Variants in RSRC1 observed in about 807,000 individuals in gnomAD.
RSRC1 encodes arginine and serine rich coiled-coil 1.
A neutral mutation model predicts 49.1 loss-of-function variants in RSRC1; 39 were observed. The ratio of observed to expected loss-of-function variants is 0.79; its 90% CI spans 0.61 to 1.04. The LOEUF (loss-of-function observed/expected upper bound fraction) is 1.04, where lower values mean the gene tolerates loss of function less well. Among genes scored for constraint, RSRC1 ranks in the 50% least tolerant of loss-of-function variants. The pLI is 0.00. For missense variants in RSRC1, 388 were observed against 402.4 expected (o/e 0.96, Z 0.31); for synonymous variants, 143 against 130.8 (o/e 1.09, Z -0.63).
At chr3:158,186,399 T>G (rs948618638) in intron 3 of RSRC1, among the ~76,000 whole-genome samples, 1 of 151,986 alleles carries the variant, frequency 6.6e-6, no homozygotes, top group Non-Finnish European at 1.5e-5. Flanking sequence ...GTGAAGAAAT[T>G]AGCAAATTAA....
At chr3:158,491,346 T>C (rs1368860296) in intron 7 of RSRC1, among the ~76,000 whole-genome samples, 1 of 152,232 alleles carries the variant, frequency 6.6e-6, no homozygotes, top group East Asian at 1.9e-4. Flanking sequence ...TGGTACCTTA[T>C]GTATGGAATG....
chr3:158,208,926 T>G (rs375786121), intron 4 of RSRC1, among the ~76,000 whole-genome samples: 12 of 152,286 alleles, frequency 7.9e-5, no homozygotes, highest in Admixed American at 2.0e-4. Context: ...ACCTACATCT[T>G]GATCCAAACT....
At chr3:158,371,883 T>G (rs1219370946) in intron 6 of RSRC1, among the ~76,000 whole-genome samples, 1 of 151,906 alleles carries the variant, frequency 6.6e-6, no homozygotes. Flanking sequence ...TAGTTTTAGT[T>G]TTCCTTTGGT....
intron 4 of RSRC1, among the ~76,000 whole-genome samples, chr3:158,272,952 C>T (rs1284069351): frequency 6.6e-6 from 1 of 151,636 alleles, no homozygotes; most frequent in Non-Finnish European, 1.5e-5. Flanking sequence ...ACATTGTTCC[C>T]CTTTACTAAA....
intron 1 of RSRC1, among the ~76,000 whole-genome samples, chr3:158,120,406 A>G (rs1715166680): frequency 6.6e-6 from 1 of 151,868 alleles, no homozygotes; most frequent in African/African-American, 2.4e-5. Context: ...TTGTATTGGA[A>G]TCAGGGAGGG....
At chr3:158,469,064 C>T (rs1296297865) in intron 7 of RSRC1, among the ~76,000 whole-genome samples, 2 of 152,154 alleles carry the variant, frequency 1.3e-5, no homozygotes, top group African/African-American at 4.8e-5. Flanking sequence ...GAATATATCA[C>T]ACAAAAAACT....
At chr3:158,119,811 ATATATT>A (rs1189942457) in intron 1 of RSRC1, among the ~76,000 whole-genome samples, 1 of 149,732 alleles carries the variant, frequency 6.7e-6, no homozygotes, top group African/African-American at 2.5e-5. Context: ...TACATGTTGT[ATATATT>A]TATAATTTCA....
intron 6 of RSRC1, among the ~76,000 whole-genome samples, chr3:158,411,011 G>A (rs1734437693): frequency 6.6e-6 from 1 of 151,976 alleles, no homozygotes; most frequent in South Asian, 2.1e-4. Context: ...GTATTGCTAA[G>A]TACTACAGTT....
chr3:158,498,446 T>G (rs1028534838), intron 7 of RSRC1, among the ~76,000 whole-genome samples: 2 of 152,192 alleles, frequency 1.3e-5, no homozygotes, highest in South Asian at 2.1e-4. Flanking sequence ...CTGATTTGAG[T>G]TCTTTGTAGA....
chr3:158,529,056 A>G (rs901702973), intron 7 of RSRC1, among the ~76,000 whole-genome samples: 3 of 151,698 alleles, frequency 2.0e-5, no homozygotes, highest in East Asian at 1.9e-4. Flanking sequence ...ATTCATTTAC[A>G]AAGGTTTTCT....
At chr3:158,445,202 C>T (rs903522034) in intron 6 of RSRC1, among the ~76,000 whole-genome samples, 18 of 152,244 alleles carry the variant, frequency 1.2e-4, no homozygotes, top group Non-Finnish European at 2.4e-4. Flanking sequence ...GACATATGCA[C>T]GGGTATGTTT....
intron 4 of RSRC1, among the ~76,000 whole-genome samples, chr3:158,273,946 C>T (rs762099511): frequency 6.6e-6 from 1 of 152,032 alleles, no homozygotes; most frequent in Non-Finnish European, 1.5e-5. Context: ...GTTGTTTTTA[C>T]AGTGTAACAC....
At chr3:158,267,117 T>C (rs1464014642) in intron 4 of RSRC1, among the ~76,000 whole-genome samples, 1 of 152,218 alleles carries the variant, frequency 6.6e-6, no homozygotes, top group East Asian at 1.9e-4. Context: ...AATATGGATG[T>C]ATTATTGATT....
At chr3:158,505,502 A>C (rs9858318) in intron 7 of RSRC1, among the ~76,000 whole-genome samples, 3 of 151,896 alleles carry the variant, frequency 2.0e-5, no homozygotes, top group Admixed American at 6.5e-5. Flanking sequence ...TAGTGGGTGA[A>C]AAACTCTGTA....
intron 7 of RSRC1, among the ~76,000 whole-genome samples, chr3:158,492,596 C>T (rs183771951): frequency 6.6e-6 from 1 of 152,148 alleles, no homozygotes; most frequent in Non-Finnish European, 1.5e-5. Flanking sequence ...TCTGCCACTT[C>T]CCCAGAAGGA....
At chr3:158,415,329 CT>C (rs1734685701) in intron 6 of RSRC1, among the ~76,000 whole-genome samples, 1 of 152,030 alleles carries the variant, frequency 6.6e-6, no homozygotes, top group Admixed American at 6.6e-5. Flanking sequence ...AGATTCTACT[CT>C]GCATTTGAAA....
intron 3 of RSRC1, among the ~76,000 whole-genome samples, chr3:158,182,848 GT>G (rs1473094071): frequency 6.6e-6 from 1 of 151,910 alleles, no homozygotes; most frequent in Non-Finnish European, 1.5e-5. Context: ...CAGTTGTATT[GT>G]TTTTGCTAAT....
At chr3:158,229,589 G>A (rs1419649304) in intron 4 of RSRC1, among the ~76,000 whole-genome samples, 6 of 150,332 alleles carry the variant, frequency 4.0e-5, no homozygotes, top group Admixed American at 6.6e-5. Flanking sequence ...TAAGTTTCTG[G>A]TTGTGATTGA....
intron 6 of RSRC1, among the ~76,000 whole-genome samples, chr3:158,388,725 G>A (rs1056088539): frequency 3.8e-4 from 57 of 151,346 alleles, no homozygotes; most frequent in African/African-American, 1.3e-3. Context: ...TTCTCCTGCC[G>A]CAGCCTCCAG....
Sources: gnomAD v4.1 joint callset for allele counts (sites outside exome capture counted in the v4.1 genomes callset) on GRCh38, gnomAD v4.1.1 for gene constraint, MANE v1.5 for transcripts, NCBI Gene and HGNC (gene_info 2026-07-23, HGNC 2026-07-21) for gene names.